Variants in SSBP3 observed in about 807,000 individuals in gnomAD.
The protein encoded by SSBP3 is single stranded DNA binding protein 3, also known as single-stranded DNA-binding protein 3.
A neutral mutation model predicts 69.6 loss-of-function variants in SSBP3; 5 were observed. The observed-to-expected ratio is 0.07, with a 90% CI of 0.04 to 0.15. The LOEUF (loss-of-function observed/expected upper bound fraction) is 0.15. SSBP3 is among the 10% of genes least tolerant of loss of function. The pLI, the probability that SSBP3 is intolerant of heterozygous loss-of-function variation, is 1.00. For missense variants in SSBP3, 312 were observed against 534.0 expected (o/e 0.58, Z 4.10); for synonymous variants, 196 against 193.4 (o/e 1.01, Z -0.11).
rs185098641 is a variant in SSBP3 at position 54,351,365 on chromosome 1, C to T, written c.276+50496G>A. Among the ~76,000 whole-genome samples, 370 of 152,228 alleles carry T rather than the reference C, an allele frequency of 2.4e-3. 1 individual carries two copies. The highest frequency in any genetic ancestry group is 0.016 in the South Asian group (78 of 4,808). ...AAATGGCAGCAATTATACCCCATTC[C>T]CAAGGTTACCGGAAGGATGAAATTA... On this transcript the variant is annotated intron_variant, in intron 4 of 17. Coordinates refer to ENST00000610401, the Ensembl canonical transcript of SSBP3.
intron 4 of SSBP3, among the ~76,000 whole-genome samples, chr1:54,327,390 C>A (rs1646329383): frequency 6.6e-6 from 1 of 152,260 alleles, no homozygotes; most frequent in East Asian, 1.9e-4. Context: ...ATCTGCTAAG[C>A]CCCGGGAAAG....
chr1:54,351,302 G>C (rs1312736821), intron 4 of SSBP3, among the ~76,000 whole-genome samples: 1 of 152,174 alleles, frequency 6.6e-6, no homozygotes, highest in African/African-American at 2.4e-5. Context: ...AAATGAACGA[G>C]TACAGAACAC....
intron 4 of SSBP3, among the ~76,000 whole-genome samples, chr1:54,319,284 G>A (rs1188235747): frequency 3.3e-5 from 5 of 151,920 alleles, no homozygotes; most frequent in Admixed American, 2.0e-4. Context: ...TAAGAGCTAG[G>A]GCCCATGTCC....
chr1:54,277,445 AT>A (rs1256485631), intron 5 of SSBP3, among the ~76,000 whole-genome samples: 1 of 152,100 alleles, frequency 6.6e-6, no homozygotes, highest in Non-Finnish European at 1.5e-5. Flanking sequence ...GTGCATCCAC[AT>A]TTGGACTTTG....
intron 4 of SSBP3, among the ~76,000 whole-genome samples, chr1:54,296,223 T>A (rs1645701190): frequency 6.6e-6 from 1 of 152,216 alleles, no homozygotes; most frequent in Non-Finnish European, 1.5e-5. Context: ...GGTTTTCATG[T>A]CTCTCTTCTC....
chr1:54,273,897 C>T (rs1645239614), intron 5 of SSBP3, among the ~76,000 whole-genome samples: 1 of 152,204 alleles, frequency 6.6e-6, no homozygotes, highest in Non-Finnish European at 1.5e-5. Flanking sequence ...GCAGTGGTTC[C>T]CCACCTCCAA....
At chr1:54,283,693 A>C (rs1354723667) in intron 4 of SSBP3, among the ~76,000 whole-genome samples, 1 of 152,194 alleles carries the variant, frequency 6.6e-6, no homozygotes, top group Non-Finnish European at 1.5e-5. Context: ...CTACAGAAAA[A>C]CAGCCCTCTC....
At chr1:54,257,810 A>G (rs1414537323) in intron 6 of SSBP3, among the ~76,000 whole-genome samples, 1 of 152,154 alleles carries the variant, frequency 6.6e-6, no homozygotes, top group Non-Finnish European at 1.5e-5. Flanking sequence ...AGAGAGGAAA[A>G]AACAAAAACG....
intron 9 of SSBP3, among the ~76,000 whole-genome samples, chr1:54,246,425 T>C (rs1279867100): frequency 6.6e-6 from 1 of 152,208 alleles, no homozygotes; most frequent in African/African-American, 2.4e-5. Flanking sequence ...TTTCCAGGAC[T>C]GCAGCCGCCT....
chr1:54,263,272 C>G (rs972172188), intron 5 of SSBP3, among the ~76,000 whole-genome samples: 3 of 152,196 alleles, frequency 2.0e-5, no homozygotes, highest in African/African-American at 4.8e-5. Context: ...AGCAGGACCC[C>G]CAGCCCTCCC....
intron 9 of SSBP3, among the ~76,000 whole-genome samples, chr1:54,245,630 C>G (rs926406734): frequency 2.0e-5 from 3 of 152,228 alleles, no homozygotes; most frequent in African/African-American, 7.2e-5. Context: ...CAACACCAGG[C>G]TGGCTGACAA....
At chr1:54,242,459 C>T (rs1196195728) in intron 10 of SSBP3, among the ~76,000 whole-genome samples, 1 of 152,096 alleles carries the variant, frequency 6.6e-6, no homozygotes, top group African/African-American at 2.4e-5. Context: ...TGTGAAATTC[C>T]CTTTGCATGT....
intron 4 of SSBP3, among the ~76,000 whole-genome samples, chr1:54,342,458 C>G (rs1646625852): frequency 6.6e-6 from 1 of 152,174 alleles, no homozygotes; most frequent in Non-Finnish European, 1.5e-5. Flanking sequence ...TGGGTGGGGC[C>G]AGGGCAGGTG....
Position 54,256,074 on chromosome 1 carries a change from T to TA in SSBP3, c.507+1052dup, listed in dbSNP as rs578238303. On this transcript the variant is annotated intron_variant, in intron 7 of 17. Coordinates refer to ENST00000610401, the Ensembl canonical transcript of SSBP3. ...CTGGGAGACAGAGCGAGACTCCGGT[T>TA]AAAAAAAAAAAAAAGACAATTGGAG... 8.0e-3 allele frequency among the ~76,000 whole-genome samples: 1,139 copies of TA among 141,930 alleles called. 8 individuals are homozygous for TA. The highest frequency in any genetic ancestry group is 0.025 in the African/African-American group (975 of 38,574). 93.1% of individuals were successfully genotyped at this position (141,930 alleles called of 152,430 possible).
chr1:54,314,345 G>A (rs963809790), intron 4 of SSBP3, among the ~76,000 whole-genome samples: 1 of 152,152 alleles, frequency 6.6e-6, no homozygotes, highest in Admixed American at 6.5e-5. Context: ...AAACTCCAGA[G>A]GGAAGCAAAA....
chr1:54,369,322 C>T (rs1246560390), intron 4 of SSBP3, among the ~76,000 whole-genome samples: 2 of 146,340 alleles, frequency 1.4e-5, no homozygotes, highest in Non-Finnish European at 3.0e-5. Flanking sequence ...TGGGGGGGCA[C>T]AAACTGGGAG....
intron 5 of SSBP3, among the ~76,000 whole-genome samples, chr1:54,266,375 A>G (rs1235260388): frequency 2.6e-5 from 4 of 152,220 alleles, no homozygotes; most frequent in African/African-American, 9.6e-5. Context: ...ATTAGAACAC[A>G]ATGTAAATAA....
At chr1:54,293,909 G>C (rs929194258) in intron 4 of SSBP3, among the ~76,000 whole-genome samples, 2 of 152,050 alleles carry the variant, frequency 1.3e-5, no homozygotes, top group African/African-American at 4.8e-5. Context: ...GGCTGAGGCG[G>C]GTGGATTACC....
At chr1:54,365,712 C>A (rs190937861) in intron 4 of SSBP3, among the ~76,000 whole-genome samples, 33 of 152,334 alleles carry the variant, frequency 2.2e-4, no homozygotes, top group African/African-American at 7.9e-4. Context: ...ACCTGGAAAG[C>A]CTGCCTTCTC....
Sources: gnomAD v4.1 joint callset for allele counts (sites outside exome capture counted in the v4.1 genomes callset) on GRCh38, gnomAD v4.1.1 for gene constraint, MANE v1.5 for transcripts, NCBI Gene and HGNC (gene_info 2026-07-23, HGNC 2026-07-21) for gene names.